The following ZNF385D variants were observed in gnomAD, a reference collection of about 807,000 sequenced individuals.
The protein encoded by ZNF385D is zinc finger protein 659.
In ZNF385D, 15 loss-of-function variants were observed where a neutral mutation model predicts 35.8. The ratio of observed to expected loss-of-function variants is 0.42; its 90% CI spans 0.28 to 0.64. The LOEUF (loss-of-function observed/expected upper bound fraction) is 0.64, where lower values mean the gene tolerates loss of function less well. ZNF385D is among the 30% of genes least tolerant of loss of function. ZNF385D has a pLI of 0.23. For missense variants in ZNF385D, 474 were observed against 494.6 expected (o/e 0.96, Z 0.39); for synonymous variants, 212 against 186.8 (o/e 1.13, Z -1.10).
chr3:22,195,112 C>T (rs1315524625), intron 2 of ZNF385D, among the ~76,000 whole-genome samples: 1 of 151,674 alleles, frequency 6.6e-6, no homozygotes, highest in Non-Finnish European at 1.5e-5. Flanking sequence ...CCAATTGCTC[C>T]CCATTGTCAT....
chr3:21,808,702 T>C (rs951531379), intron 3 of ZNF385D, among the ~76,000 whole-genome samples: 5 of 152,144 alleles, frequency 3.3e-5, no homozygotes, highest in Admixed American at 3.3e-4. Context: ...GGGGAAGGGT[T>C]ATGGACAGGA....
intron 3 of ZNF385D, among the ~76,000 whole-genome samples, chr3:22,027,589 G>A (rs1697639433): frequency 6.6e-6 from 1 of 152,180 alleles, no homozygotes. Context: ...CTGGACATTT[G>A]ACTATGGCTC....
At chr3:22,238,745 T>G (rs1699329559) in intron 2 of ZNF385D, among the ~76,000 whole-genome samples, 1 of 150,842 alleles carries the variant, frequency 6.6e-6, no homozygotes, top group Non-Finnish European at 1.5e-5. Context: ...TATATAGATT[T>G]TTTTTTAGAC....
At chr3:21,590,726 A>C (rs905989828) in intron 2 of ZNF385D, among the ~76,000 whole-genome samples, 1 of 152,108 alleles carries the variant, frequency 6.6e-6, no homozygotes, top group Non-Finnish European at 1.5e-5. Context: ...ATTAAACCCC[A>C]AAATTCCTAT....
chr3:21,658,668 A>G lies in ZNF385D; in HGVS notation c.165+6218T>C, dbSNP rs140818277. 1.7e-4 allele frequency among the ~76,000 whole-genome samples: 26 copies of G among 152,118 alleles called. No homozygotes were observed. The East Asian group carries it at 4.8e-3, about 28-fold the overall frequency. On this transcript the variant is annotated intron_variant, in intron 2 of 7. Coordinates refer to ENST00000281523, the MANE Select transcript of ZNF385D (RefSeq NM_024697.3). ...TTTGCTATGTTTCATGTTCTATACT[A>G]TGGTTACCTTAATAAAAAATATGCA...
In ZNF385D at chr3:21,415,175, A is replaced by G. The variant is rs772726944; in HGVS notation, c.*6039T>C. 1 of 152,114 alleles carries G rather than the reference A, an allele frequency of 6.6e-6. No individual in the cohort carries two copies. Among genetic ancestry groups the G allele is most frequent in the Non-Finnish European group, 1.5e-5 (1 of 68,000 alleles). 9.4% of individuals were successfully genotyped at this position (152,114 alleles called of 1,614,324 possible). The stretch of plus-strand genomic sequence containing the variant: ...ATTAGTGAGAGACTTTAAAAATAAT[A>G]TTTGTTGTACTGGCAAAAATACAAT... On this transcript the variant is annotated 3_prime_UTR_variant, in exon 8 of 8. Coordinates refer to ENST00000281523, the MANE Select transcript of ZNF385D (RefSeq NM_024697.3).
At chr3:21,994,312 T>G (rs954828166) in intron 3 of ZNF385D, among the ~76,000 whole-genome samples, 1 of 152,226 alleles carries the variant, frequency 6.6e-6, no homozygotes, top group African/African-American at 2.4e-5. Context: ...TATGCCAAAG[T>G]GTTAATCCTG....
chr3:22,189,147 C>A (rs888216322), intron 2 of ZNF385D, among the ~76,000 whole-genome samples: 1 of 152,034 alleles, frequency 6.6e-6, no homozygotes, highest in Non-Finnish European at 1.5e-5. Flanking sequence ...AAGTTTTGCT[C>A]ATATACTAAA....
At chr3:21,506,688 G>A (rs1706797898) in intron 4 of ZNF385D, among the ~76,000 whole-genome samples, 2 of 152,140 alleles carry the variant, frequency 1.3e-5, no homozygotes, top group South Asian at 2.1e-4. Flanking sequence ...AATGCTCTAT[G>A]AAATATTCTG....
chr3:22,342,643 T>C (rs1389818328), intron 2 of ZNF385D, among the ~76,000 whole-genome samples: 2 of 152,208 alleles, frequency 1.3e-5, no homozygotes, highest in South Asian at 2.1e-4. Context: ...GAGCTTTTTA[T>C]GCAAGAAAAG....
intron 3 of ZNF385D, among the ~76,000 whole-genome samples, chr3:22,007,056 C>T (rs544300369): frequency 6.6e-6 from 1 of 152,178 alleles, no homozygotes; most frequent in South Asian, 2.1e-4. Context: ...TCAAAACTCT[C>T]ACTTATTAAT....
chr3:21,880,506 G>A (rs1201890752), intron 3 of ZNF385D, among the ~76,000 whole-genome samples: 1 of 152,010 alleles, frequency 6.6e-6, no homozygotes, highest in Non-Finnish European at 1.5e-5. Context: ...AAACTTCATT[G>A]ATAAATGTTG....
intron 2 of ZNF385D, among the ~76,000 whole-genome samples, chr3:21,594,019 G>GCAGA (rs1403343751): frequency 6.6e-6 from 1 of 152,136 alleles, no homozygotes; most frequent in Non-Finnish European, 1.5e-5. Context: ...TTAACTACCA[G>GCAGA]CAGACAGTAG....
At chr3:21,849,874 T>C (rs188185365) in intron 3 of ZNF385D, among the ~76,000 whole-genome samples, 75 of 152,132 alleles carry the variant, frequency 4.9e-4, no homozygotes, top group Non-Finnish European at 1.0e-4. Context: ...GCCTTCAAAG[T>C]AGCTGGGACT....
At chr3:21,941,998 C>T (rs527299814) in intron 3 of ZNF385D, among the ~76,000 whole-genome samples, 3 of 152,168 alleles carry the variant, frequency 2.0e-5, no homozygotes, top group East Asian at 1.9e-4. Flanking sequence ...TGGGAAATTC[C>T]GCTTTCCTGG....
intron 3 of ZNF385D, among the ~76,000 whole-genome samples, chr3:22,081,996 T>A (rs1199757216): frequency 1.2e-5 from 1 of 80,934 alleles, no homozygotes; most frequent in Non-Finnish European, 2.7e-5. Context: ...TTTCTATTTT[T>A]TTTTTTTTTT....
chr3:21,873,782 G>A (rs1337416006), intron 3 of ZNF385D, among the ~76,000 whole-genome samples: 1 of 152,020 alleles, frequency 6.6e-6, no homozygotes, highest in East Asian at 1.9e-4. Flanking sequence ...CGTTTTCAAG[G>A]TCCATCTATG....
At chr3:21,683,743 C>T (rs1194879497) in intron 1 of ZNF385D, among the ~76,000 whole-genome samples, 1 of 150,152 alleles carries the variant, frequency 6.7e-6, no homozygotes, top group Non-Finnish European at 1.5e-5. Context: ...GCCTGAAGAT[C>T]GAGGCCACAT....
At chr3:21,919,359 C>T (rs1700343497) in intron 3 of ZNF385D, among the ~76,000 whole-genome samples, 1 of 152,130 alleles carries the variant, frequency 6.6e-6, no homozygotes, top group Non-Finnish European at 1.5e-5. Context: ...TTGAAAGCTG[C>T]CTGCCTTTCT....
Sources: allele counts gnomAD v4.1 joint callset (sites outside exome capture counted in the v4.1 genomes callset), GRCh38; gene constraint gnomAD v4.1.1; transcripts MANE v1.5; gene names NCBI Gene and HGNC (gene_info 2026-07-23, HGNC 2026-07-21).